The following TRHDE variants were observed in gnomAD, a reference collection of about 807,000 sequenced individuals.
TRHDE encodes the protein thyrotropin releasing hormone degrading enzyme, also known as thyrotropin-releasing hormone-degrading ectoenzyme.
TRHDE carries 72 observed loss-of-function variants against 125.7 expected under a neutral mutation model. That is an observed-to-expected ratio of 0.57 (90% CI 0.47 to 0.70). The LOEUF (loss-of-function observed/expected upper bound fraction) is 0.70. Ranked by LOEUF, TRHDE falls within the 30% of genes least tolerant of loss-of-function variation. The pLI is 0.00. For missense variants in TRHDE, 1,110 were observed against 1,327.1 expected, an observed-to-expected ratio of 0.84 and a Z score of 2.54; for synonymous variants, 509 against 509.1, an observed-to-expected ratio of 1.00 and a Z score of 0.00.
intron 2 of TRHDE, among the ~76,000 whole-genome samples, chr12:72,244,941 C>T (rs1297166614): frequency 6.6e-6 from 1 of 151,912 alleles, no homozygotes; most frequent in African/African-American, 2.4e-5. Flanking sequence ...CCTTTGTAAC[C>T]ATTTATACTT....
chr12:72,413,277 CTTT>C (rs1166136863), intron 3 of TRHDE, among the ~76,000 whole-genome samples: 1 of 151,752 alleles, frequency 6.6e-6, no homozygotes, highest in Non-Finnish European at 1.5e-5. Context: ...GGTTTCTAGG[CTTT>C]TTAGGTGGAA....
rs374238863 is a variant in TRHDE at position 72,602,041 on chromosome 12, A to T, written c.2322-16850A>T. On this transcript the variant is annotated intron_variant, in intron 12 of 18. Coordinates refer to ENST00000261180, the MANE Select transcript of TRHDE (RefSeq NM_013381.3). ...TTGAATTCTTTATAGATACTAATTG[A>T]ATATCCTATCAGAGCTTCATGAGAG... 1.1e-3 allele frequency among the ~76,000 whole-genome samples: 175 copies of T among 152,274 alleles called. 4 individuals are homozygous for T. The South Asian group carries it at 0.035, about 30-fold the overall frequency.
At chr12:72,265,066 ACT>A (rs1045480771) in intron 2 of TRHDE, among the ~76,000 whole-genome samples, 29 of 151,320 alleles carry the variant, frequency 1.9e-4, no homozygotes, top group Admixed American at 1.4e-3. Context: ...TTGATTGTAA[ACT>A]CTGTTTCTCT....
At chr12:72,636,796 T>C (rs1873776101) in intron 15 of TRHDE, among the ~76,000 whole-genome samples, 1 of 152,350 alleles carries the variant, frequency 6.6e-6, no homozygotes, top group South Asian at 2.1e-4. Context: ...ATTTATATGC[T>C]GGATTACATT....
chr12:72,347,556 T>A (rs967767659), intron 2 of TRHDE, among the ~76,000 whole-genome samples: 1 of 152,036 alleles, frequency 6.6e-6, no homozygotes, highest in African/African-American at 2.4e-5. Context: ...GGGGCTGCAG[T>A]CATCTCGGTT....
chr12:72,650,753 T>C (rs1001714309), intron 15 of TRHDE, among the ~76,000 whole-genome samples: 4 of 152,110 alleles, frequency 2.6e-5, no homozygotes, highest in East Asian at 1.9e-4. Flanking sequence ...TAATGCACTG[T>C]TGTGCTCTGT....
intron 12 of TRHDE, among the ~76,000 whole-genome samples, chr12:72,583,652 G>A (rs1435826485): frequency 6.6e-6 from 1 of 152,152 alleles, no homozygotes; most frequent in East Asian, 1.9e-4. Context: ...GGAATCTTTA[G>A]ACTTATTTCT....
chr12:72,556,119 C>T (rs1869910295), intron 7 of TRHDE, among the ~76,000 whole-genome samples: 2 of 152,090 alleles, frequency 1.3e-5, no homozygotes, highest in South Asian at 4.1e-4. Context: ...TTCATAAGAA[C>T]AACAAAAGCC....
intron 2 of TRHDE, among the ~76,000 whole-genome samples, chr12:72,152,022 CCATGAG>C (rs1311603845): frequency 1.3e-5 from 2 of 151,808 alleles, no homozygotes; most frequent in East Asian, 3.9e-4. Context: ...TTCTTCCTAC[CCATGAG>C]CATGGAATGT....
At chr12:72,655,300 T>C (rs948331294) in intron 17 of TRHDE, among the ~76,000 whole-genome samples, 25 of 152,146 alleles carry the variant, frequency 1.6e-4, no homozygotes, top group African/African-American at 6.0e-4. Context: ...CTTGAACTCC[T>C]GAGCTCAAGC....
At chr12:72,462,466 T>C (rs546770513) in intron 3 of TRHDE, among the ~76,000 whole-genome samples, 1 of 152,286 alleles carries the variant, frequency 6.6e-6, no homozygotes, top group Admixed American at 6.5e-5. Flanking sequence ...CTGGGTGGTG[T>C]TGGTAGTGGT....
rs1879350066 is a variant in TRHDE, at chr12:72,273,568, A to T, written c.914+11A>T. 6.4e-7 allele frequency: 1 copy of T among 1,573,376 alleles called. No individual in the cohort carries two copies. Among genetic ancestry groups the T allele is most frequent in the Non-Finnish European group, 8.6e-7 (1 of 1,161,212 alleles). On this transcript the variant is annotated intron_variant, in intron 1 of 18. Coordinates refer to ENST00000261180, the MANE Select transcript of TRHDE (RefSeq NM_013381.3). The surrounding 1 kb of genome is among the most constrained non-coding windows in gnomAD (Gnocchi z 5.3). The stretch of plus-strand genomic sequence containing the variant: ...CCACGGGGAGAGAAGGTATGGAGGG[A>T]GGCGGTGCCCCGCGCTGCCCCACCC...
intron 2 of TRHDE, among the ~76,000 whole-genome samples, chr12:72,135,549 G>GTT (rs202197870): frequency 1.1e-4 from 15 of 140,476 alleles, no homozygotes; most frequent in African/African-American, 2.3e-4. Flanking sequence ...GTGTAAACAT[G>GTT]TTTTTTTTTT....
intron 5 of TRHDE, among the ~76,000 whole-genome samples, chr12:72,490,665 C>T (rs535170397): frequency 6.7e-6 from 1 of 150,312 alleles, no homozygotes; most frequent in African/African-American, 2.4e-5. Context: ...ATTTGTCATA[C>T]CATGGATATG....
chr12:72,202,330 A>G (rs974441858), intron 2 of TRHDE, among the ~76,000 whole-genome samples: 12 of 152,332 alleles, frequency 7.9e-5, no homozygotes, highest in African/African-American at 2.9e-4. Flanking sequence ...TGCCTCAGGG[A>G]GAAAGCACAT....
rs1482138224 is a variant in TRHDE, at chr12:72,217,172, C to T, written n.279+111420C>T. Reference sequence around the variant, plus strand: ...AAGAGCAGAAATGAAGGTATAGGAACAGGTTCATATACACAGTATCTTTAC... The same window carrying T: ...AAGAGCAGAAATGAAGGTATAGGAATAGGTTCATATACACAGTATCTTTAC... On this transcript the variant is annotated intron_variant and non_coding_transcript_variant, in intron 2 of 4. Coordinates refer to the TRHDE transcript ENST00000548156. Among the ~76,000 whole-genome samples the T allele has an allele frequency of 6.6e-5, 10 of 152,092 alleles. No homozygotes were observed. The East Asian group carries it at 1.9e-3, about 29-fold the overall frequency.
At chr12:72,627,119 G>C (rs192381974) in intron 15 of TRHDE, among the ~76,000 whole-genome samples, 27 of 151,962 alleles carry the variant, frequency 1.8e-4, no homozygotes, top group Non-Finnish European at 3.4e-4. Flanking sequence ...CTGGGCTTAG[G>C]AATTAGCTTG....
chr12:72,218,964 C>A (rs186692285), intron 2 of TRHDE, among the ~76,000 whole-genome samples: 6 of 152,226 alleles, frequency 3.9e-5, no homozygotes, highest in Non-Finnish European at 8.8e-5. Flanking sequence ...CCCTTAGTTT[C>A]ACAAATTGGT....
In TRHDE at chr12:72,338,862, C is replaced by T. The variant is rs1042944096; in HGVS notation, c.1189-39133C>T. Among the ~76,000 whole-genome samples, 31 of 152,182 alleles carry T rather than the reference C, an allele frequency of 2.0e-4. No homozygotes were observed. The East Asian group carries it at 2.1e-3, about 10-fold the overall frequency. ...GATTTCTCCAAGAATTTCAAGATAT[C>T]GTAATCAACATGGTTTGAGTTCTTT... On this transcript the variant is annotated intron_variant, in intron 2 of 18. Transcript: ENST00000261180.
Sources: gnomAD v4.1 joint callset for allele counts (sites outside exome capture counted in the v4.1 genomes callset) on GRCh38, gnomAD v4.1.1 for gene constraint, Gnocchi (gnomAD v3.1) non-coding constraint, MANE v1.5 for transcripts, NCBI Gene and HGNC (gene_info 2026-07-23, HGNC 2026-07-21) for gene names.